Variants in NBEA observed in about 807,000 individuals in gnomAD.
NBEA encodes the protein neurobeachin.
In NBEA, 44 loss-of-function variants were observed where a neutral mutation model predicts 343.4. The observed-to-expected ratio is 0.13, with a 90% CI of 0.10 to 0.16. NBEA has a LOEUF of 0.16. NBEA is among the 10% of genes least tolerant of loss of function. NBEA has a pLI of 1.00. For missense variants in NBEA, 2,555 were observed against 3,631.3 expected (o/e 0.70, Z 7.62); for synonymous variants, 1,175 against 1,238.7 (o/e 0.95, Z 1.08).
At chr13:35,411,985 T>G (rs1453816145) in intron 38 of NBEA, among the ~76,000 whole-genome samples, 1 of 152,132 alleles carries the variant, frequency 6.6e-6, no homozygotes, top group Non-Finnish European at 1.5e-5. Context: ...TAGCAGCACT[T>G]AACGTTGCTC....
intron 1 of NBEA, among the ~76,000 whole-genome samples, chr13:35,033,763 G>A (rs1299513592): frequency 2.0e-5 from 3 of 151,614 alleles, no homozygotes; most frequent in Non-Finnish European, 4.4e-5. Context: ...TTTATGTGTG[G>A]CTATTGTAAA....
At chr13:35,333,815 C>G (rs550687901) in intron 36 of NBEA, among the ~76,000 whole-genome samples, 1 of 152,162 alleles carries the variant, frequency 6.6e-6, no homozygotes, top group African/African-American at 2.4e-5. Flanking sequence ...CTGTGCCTGT[C>G]CTGTTTCATT....
intron 11 of NBEA, among the ~76,000 whole-genome samples, chr13:35,106,396 A>G (rs2065919288): frequency 2.6e-5 from 4 of 152,044 alleles, no homozygotes; most frequent in African/African-American, 7.2e-5. Context: ...TTTCCTACCT[A>G]TTCTATTCTT....
intron 1 of NBEA, among the ~76,000 whole-genome samples, chr13:34,964,191 G>A (rs2059749612): frequency 6.6e-6 from 1 of 151,974 alleles, no homozygotes; most frequent in South Asian, 2.1e-4. Flanking sequence ...AACATCATAT[G>A]TTGATAGCTT....
intron 1 of NBEA, among the ~76,000 whole-genome samples, chr13:35,002,936 G>A (rs2061193241): frequency 6.6e-6 from 1 of 152,086 alleles, no homozygotes; most frequent in Admixed American, 6.6e-5. Flanking sequence ...TTCCTTCAAC[G>A]TTTGAAGTGT....
intron 1 of NBEA, among the ~76,000 whole-genome samples, chr13:34,986,771 T>TC (rs1423590212): frequency 6.6e-6 from 1 of 150,822 alleles, no homozygotes; most frequent in African/African-American, 2.4e-5. Flanking sequence ...GTTGAATTGA[T>TC]CCCTTTATCA....
At chr13:35,057,390 A>G (rs942044591) in intron 7 of NBEA, among the ~76,000 whole-genome samples, 1 of 152,098 alleles carries the variant, frequency 6.6e-6, no homozygotes, top group African/African-American at 2.4e-5. Flanking sequence ...GGTTTTGTGT[A>G]AGCTGGGGGC....
intron 6 of NBEA, among the ~76,000 whole-genome samples, chr13:35,054,361 AT>A (rs2063170533): frequency 6.6e-6 from 1 of 151,970 alleles, no homozygotes; most frequent in African/African-American, 2.4e-5. Flanking sequence ...TTTCTTGATA[AT>A]TTTGTAATAT....
intron 35 of NBEA, among the ~76,000 whole-genome samples, chr13:35,302,595 A>C (rs543945374): frequency 6.6e-6 from 1 of 152,222 alleles, no homozygotes; most frequent in Non-Finnish European, 1.5e-5. Context: ...AGCATGTGTG[A>C]CAGAAAACAA....
chr13:35,412,477 C>A (rs545740247), intron 38 of NBEA, among the ~76,000 whole-genome samples: 7 of 152,176 alleles, frequency 4.6e-5, no homozygotes, highest in Non-Finnish European at 7.4e-5. Flanking sequence ...TTCAATTTGG[C>A]AAAAATTTTA....
At chr13:35,351,286 A>T (rs1747599969) in intron 37 of NBEA, among the ~76,000 whole-genome samples, 1 of 151,988 alleles carries the variant, frequency 6.6e-6, no homozygotes, top group African/African-American at 2.4e-5. Context: ...CTTGTATTAC[A>T]CATTTATTAA....
At chr13:35,666,953 G>T (rs1040938062) in intron 56 of NBEA, among the ~76,000 whole-genome samples, 2 of 152,116 alleles carry the variant, frequency 1.3e-5, no homozygotes, top group African/African-American at 4.8e-5. Context: ...GTATTGATGT[G>T]GTACAACGCG....
At position 35,065,599 on chromosome 13, in the gene NBEA, T is replaced by C. The variant is rs142956957; in HGVS notation, c.1240-4309T>C. Among the ~76,000 whole-genome samples the C allele has an allele frequency of 2.1e-4, 32 of 152,260 alleles. No individual in the cohort carries two copies. In the East Asian group the frequency reaches 6.2e-3, roughly 29 times the overall value. Reference sequence around the variant, plus strand: ...CACTTGACTATGCATGTTTATTTACTTTGCTTATCTTTAATATTTCTCTTA... The same window carrying C: ...CACTTGACTATGCATGTTTATTTACCTTGCTTATCTTTAATATTTCTCTTA... On this transcript the variant is annotated intron_variant, in intron 8 of 58. Coordinates refer to ENST00000379939, the MANE Select transcript of NBEA (RefSeq NM_001385012.1).
chr13:35,174,501 G>A (rs1476571719), intron 27 of NBEA, among the ~76,000 whole-genome samples: 2 of 152,078 alleles, frequency 1.3e-5, no homozygotes, highest in African/African-American at 4.8e-5. Flanking sequence ...CATCTTAAAA[G>A]TTCTATTGCT....
At chr13:35,179,452 T>G (rs1281131231) in intron 28 of NBEA, among the ~76,000 whole-genome samples, 1 of 151,532 alleles carries the variant, frequency 6.6e-6, no homozygotes, top group South Asian at 2.1e-4. Context: ...CCCCAGATGT[T>G]TAGCCTCTAT....
At chr13:35,445,224 G>T (rs2045937142) in intron 39 of NBEA, among the ~76,000 whole-genome samples, 1 of 151,912 alleles carries the variant, frequency 6.6e-6, no homozygotes, top group African/African-American at 2.4e-5. Context: ...TAAATCTTAT[G>T]CAACACTATT....
intron 55 of NBEA, among the ~76,000 whole-genome samples, chr13:35,664,482 A>G (rs538331815): frequency 6.6e-6 from 1 of 152,380 alleles, no homozygotes; most frequent in Admixed American, 6.5e-5. Flanking sequence ...CTGATAAAAG[A>G]AGAGAAAAAT....
chr13:35,370,135 C>G (rs746576397), intron 38 of NBEA, among the ~76,000 whole-genome samples: 1 of 151,752 alleles, frequency 6.6e-6, no homozygotes, highest in South Asian at 2.1e-4. Flanking sequence ...TGTTGAAATT[C>G]CTAACTGTTA....
At chr13:35,477,292 T>A (rs540060371) in intron 41 of NBEA, 2 of 162,602 alleles carry the variant, frequency 1.2e-5, no homozygotes, top group Admixed American at 6.5e-5. Context: ...TTTACTTATG[T>A]TTTTTTCTTT....
Sources: gnomAD v4.1 joint callset for allele counts (sites outside exome capture counted in the v4.1 genomes callset) on GRCh38, gnomAD v4.1.1 for gene constraint, MANE v1.5 for transcripts, NCBI Gene and HGNC (gene_info 2026-07-23, HGNC 2026-07-21) for gene names.